Variants in ZNF777 observed in about 807,000 individuals in gnomAD.
ZNF777 encodes zinc finger protein 777.
In ZNF777, 7 loss-of-function variants were observed where a neutral mutation model predicts 72.1. That is an observed-to-expected ratio of 0.10 (90% CI 0.06 to 0.18). The LOEUF is 0.18. Ranked by LOEUF, ZNF777 falls within the 10% of genes least tolerant of loss-of-function variation. The pLI, the probability that ZNF777 is intolerant of heterozygous loss-of-function variation, is 1.00. For missense variants in ZNF777, 828 were observed against 1,128.6 expected (o/e 0.73, Z 3.82); for synonymous variants, 545 against 483.5 (o/e 1.13, Z -1.67).
chr7:149,454,586 G>A (rs768383571), intron 2 of ZNF777, among the ~76,000 whole-genome samples: 5 of 152,202 alleles, frequency 3.3e-5, no homozygotes, highest in Non-Finnish European at 7.3e-5. Context: ...TACCGGGCTA[G>A]AGAACAGAGT....
At chr7:149,453,442 GAA>G in intron 3 of ZNF777, among the ~76,000 whole-genome samples, 1 of 152,034 alleles carries the variant, frequency 6.6e-6, no homozygotes, top group Non-Finnish European at 1.5e-5. Context: ...CCATATCAGA[GAA>G]ACAGATATAT....
rs1207510251 is a variant in ZNF777, at chr7:149,431,414, G to C, written c.*362C>G. 2.6e-5 allele frequency: 11 copies of C among 415,694 alleles called. No homozygotes were observed. The highest frequency in any genetic ancestry group is 4.2e-5 in the Non-Finnish European group (9 of 212,810). The allele number at this position is 415,694 out of a possible 1,614,324, so 25.8% of individuals were successfully genotyped here. A position where few individuals can be genotyped will look rare whatever the true frequency, so the allele number is the denominator to read the frequency against. ...TCAAATAGAACCACAGTATCCAAAA[G>C]GTAATTATAAAGTTCTATCCCCAAC... On this transcript the variant is annotated 3_prime_UTR_variant, in exon 6 of 6. Transcript: ENST00000247930.
chr7:149,452,673 A>G (rs1472127810), intron 3 of ZNF777, among the ~76,000 whole-genome samples: 1 of 152,016 alleles, frequency 6.6e-6, no homozygotes, highest in African/African-American at 2.4e-5. Context: ...TAAATAAGGT[A>G]TCATTTTTCA....
At chr7:149,447,762 T>C (rs1228579727) in intron 4 of ZNF777, among the ~76,000 whole-genome samples, 1 of 152,206 alleles carries the variant, frequency 6.6e-6, no homozygotes, top group African/African-American at 2.4e-5. Flanking sequence ...AAGAGGCCTT[T>C]CTGACTTCCC....
chr7:149,432,678 C>A lies in ZNF777; in HGVS notation c.1594G>T (p.Ala532Ser). 1 of 1,612,868 alleles carries A rather than the reference C, an allele frequency of 6.2e-7. No homozygotes were observed. The highest frequency in any genetic ancestry group is 8.5e-7 in the Non-Finnish European group (1 of 1,179,572). Residue 532 changes from alanine to serine, a missense_variant, in exon 6 of 6, where the codon GCC (alanine) becomes TCC (serine). Physicochemically the swap from Ala to Ser is moderately conservative, Grantham distance 99 (BLOSUM62 1). Transcript: ENST00000247930. ...GERHLSENRG[A>S]SSQQQRNRRG... The stretch of plus-strand genomic sequence containing the variant: ...CGGTTCCGCTGCTGCTGGCTCGAGG[C>A]CCCGCGGTTCTCGCTCAGGTGCCGC...
Position 149,431,857 on chromosome 7 carries a change from G to A in ZNF777, c.2415C>T (p.Pro805=), listed in dbSNP as rs1250483205. The A allele has an allele frequency of 4.4e-6, 7 of 1,605,302 alleles. No individual in the cohort carries two copies. Among genetic ancestry groups the A allele is most frequent in the South Asian group, 2.2e-5 (2 of 90,998 alleles). Residue 805 remains proline, a synonymous_variant, in exon 6 of 6, where the codon CCC becomes CCT. Transcript: ENST00000247930. ...ACTTGGCGCAGTGCGTGCAGGGGTAGGGCCGCTCGCCCGTGTGCGCGCGCT... is the reference window on the plus strand; with the variant it reads ...ACTTGGCGCAGTGCGTGCAGGGGTAAGGCCGCTCGCCCGTGTGCGCGCGCT... ...EHQRAHTGER[P]YPCTHCAKCF...
intron 3 of ZNF777, among the ~76,000 whole-genome samples, chr7:149,453,375 T>C (rs1799761276): frequency 6.6e-6 from 1 of 152,228 alleles, no homozygotes; most frequent in Non-Finnish European, 1.5e-5. Context: ...AGTTTCTATG[T>C]GACAACACAT....
Position 149,455,549 on chromosome 7 carries a change from C to T in ZNF777, c.474G>A (p.Pro158=), listed in dbSNP as rs371404564. Residue 158 remains proline, a synonymous_variant, in exon 2 of 6, where the codon CCG becomes CCA. Transcript: ENST00000247930. The surrounding 1 kb of genome is among the most constrained non-coding windows in gnomAD (Gnocchi z 4.2). ...GGAAAGGGGTGTCCTTTTGGGAAAC[C>T]GGGCTCTGGAGCAGCGGGTCCATGT... ...ETDMDPLLQS[P]VSQKDTPFQI... is the part of the protein sequence containing the mutation. The T allele has an allele frequency of 1.6e-4, 252 of 1,613,144 alleles. No homozygotes were observed. The Middle Eastern group carries it at 2.8e-3, about 18-fold the overall frequency.
At position 149,432,713 on chromosome 7, in the gene ZNF777, A is replaced by C; in HGVS notation, c.1559T>G (p.Val520Gly). 1 of 1,612,218 alleles carries C rather than the reference A, an allele frequency of 6.2e-7. No homozygotes were observed. Among genetic ancestry groups the C allele is most frequent in the Non-Finnish European group, 8.5e-7 (1 of 1,179,144 alleles). Residue 520 changes from valine to glycine, a missense_variant, in exon 6 of 6, where the codon GTG (valine) becomes GGG (glycine). This residue lies in a region of ZNF777 where 219 missense variants were observed against 223.0 expected (regional missense o/e 0.98). Coordinates refer to ENST00000247930, the MANE Select transcript of ZNF777 (RefSeq NM_015694.3). Reference protein sequence around the residue: ...NPAVKRLAPSVHGERHLSENR... With the variant: ...NPAVKRLAPSGHGERHLSENR... ...CTCGCTCAGGTGCCGCTCACCGTGC[A>C]CGGAGGGCGCCAGCCTTTTCACTGC...
chr7:149,431,856 A>G lies in ZNF777; in HGVS notation c.2416T>C (p.Tyr806His). ...HQRAHTGERP[Y>H]PCTHCAKCFR... is the part of the protein sequence containing the mutation. ...CACTTGGCGCAGTGCGTGCAGGGGT[A>G]GGGCCGCTCGCCCGTGTGCGCGCGC... Residue 806 changes from tyrosine to histidine, a missense_variant, in exon 6 of 6, where the codon TAC becomes CAC. Tyr to His is a moderately conservative substitution (Grantham distance 83). Around this residue, in one of 12 missense-constraint regions of ZNF777, gnomAD observed 17 missense variants for 36.1 expected, o/e 0.47. Transcript: ENST00000247930. 1.2e-6 allele frequency: 2 copies of G among 1,605,196 alleles called. No homozygotes were observed. Among genetic ancestry groups the G allele is most frequent in the Non-Finnish European group, 1.7e-6 (2 of 1,179,330 alleles).
chr7:149,454,042 C>T, intron 3 of ZNF777, 69 bp downstream of exon 3: 1 of 1,598,128 alleles, frequency 6.3e-7, no homozygotes, highest in South Asian at 1.1e-5. Flanking sequence ...GTTCAGAACT[C>T]CCTAAGTTTA....
chr7:149,454,262 C>G, intron 2 of ZNF777, 25 bp from the exon 3 acceptor site: 1 of 1,613,468 alleles, frequency 6.2e-7, no homozygotes, highest in Non-Finnish European at 8.5e-7. Context: ...TAACTCGGCT[C>G]AGACCCGCTG....
chr7:149,436,949 AAT>A lies in ZNF777; in HGVS notation c.1088-125_1088-124del, dbSNP rs1799422540. ...AGTCTTATCTTAGAGACCCTGAAGA[AAT>A]GTAATATTGAGTTGGAAATGAGTAG... On this transcript the variant is annotated intron_variant, in intron 4 of 5. Coordinates refer to ENST00000247930, the MANE Select transcript of ZNF777 (RefSeq NM_015694.3). The surrounding 1 kb of genome is among the most constrained non-coding windows in gnomAD (Gnocchi z 5.0). 8.0e-7 allele frequency: 1 copy of A among 1,256,922 alleles called. No homozygotes were observed. The highest frequency in any genetic ancestry group is 2.5e-5 in the Admixed American group (1 of 40,200). The allele number at this position is 1,256,922 out of a possible 1,614,324, so 77.9% of individuals were successfully genotyped here. A position where few individuals can be genotyped will look rare whatever the true frequency, so the allele number is the denominator to read the frequency against.
chr7:149,455,109 A>C lies in ZNF777; in HGVS notation c.846+68T>G. 2.6e-6 allele frequency: 4 copies of C among 1,521,448 alleles called. No individual in the cohort carries two copies. Among genetic ancestry groups the C allele is most frequent in the East Asian group, 2.3e-5 (1 of 44,212 alleles). The allele number at this position is 1,521,448 out of a possible 1,614,324, so 94.2% of individuals were successfully genotyped here. On this transcript the variant is annotated intron_variant, in intron 2 of 5. Coordinates refer to ENST00000247930, the MANE Select transcript of ZNF777 (RefSeq NM_015694.3). The surrounding 1 kb of genome is among the most constrained non-coding windows in gnomAD (Gnocchi z 4.2). The stretch of plus-strand genomic sequence containing the variant: ...CAACCACCCCTTTCTTTCATATTAC[A>C]CTACATTCCTAAACCACACTCCAAT...
rs569115738 is a variant in ZNF777 at position 149,452,298 on chromosome 7, G to T, written c.974-1186C>A. 2.0e-5 allele frequency among the ~76,000 whole-genome samples: 3 copies of T among 146,342 alleles called. No homozygotes were observed. In the East Asian group the frequency reaches 6.3e-4, roughly 31 times the overall value. On this transcript the variant is annotated intron_variant, in intron 3 of 5. Coordinates refer to ENST00000247930, the MANE Select transcript of ZNF777 (RefSeq NM_015694.3). ...ACAAACAAACAAACAAACAAAAAAA[G>T]ATGCACAAGTTCACTAATCATCAAA...
At chr7:149,458,328 A>G (rs1372805439) in intron 1 of ZNF777, among the ~76,000 whole-genome samples, 2 of 152,012 alleles carry the variant, frequency 1.3e-5, no homozygotes, top group African/African-American at 4.8e-5. Flanking sequence ...CCTGGAGGCT[A>G]GGCGCCTGGC....
intron 4 of ZNF777, among the ~76,000 whole-genome samples, chr7:149,448,583 A>ATATATAAC (rs1554494026): frequency 5.3e-5 from 1 of 19,022 alleles, no homozygotes; most frequent in Non-Finnish European, 8.4e-5. Context: ...ATATAACTAT[A>ATATATAAC]TATATATATA....
chr7:149,445,533 A>G (rs1449483221), intron 4 of ZNF777, among the ~76,000 whole-genome samples: 1 of 152,214 alleles, frequency 6.6e-6, no homozygotes, highest in Non-Finnish European at 1.5e-5. Flanking sequence ...GCTGGTCCCA[A>G]AAGTCTCCAG....
At chr7:149,445,906 A>C (rs1163970473) in intron 4 of ZNF777, among the ~76,000 whole-genome samples, 3 of 152,084 alleles carry the variant, frequency 2.0e-5, no homozygotes, top group African/African-American at 7.2e-5. Flanking sequence ...GGATCCCTAG[A>C]GTCTCTGGTA....
Sources: allele counts gnomAD v4.1 joint callset (sites outside exome capture counted in the v4.1 genomes callset), GRCh38; gene constraint gnomAD v4.1.1; regional missense constraint gnomAD v4.1.1; non-coding constraint Gnocchi (gnomAD v3.1); transcripts MANE v1.5; gene names NCBI Gene and HGNC (gene_info 2026-07-23, HGNC 2026-07-21).